Variants in ENOSF1 observed in about 807,000 individuals in gnomAD.
ENOSF1 encodes the protein enolase superfamily member 1.
In ENOSF1, 73 loss-of-function variants were observed where a neutral mutation model predicts 68.2. The observed-to-expected ratio is 1.07, with a 90% CI of 0.89 to 1.30. ENOSF1 has a LOEUF of 1.30. ENOSF1 is among the 50% of genes most tolerant of loss of function. The pLI is 0.00. For missense variants in ENOSF1, 589 were observed against 554.5 expected, an observed-to-expected ratio of 1.06 and a Z score of -0.62; for synonymous variants, 223 against 210.4, an observed-to-expected ratio of 1.06 and a Z score of -0.52.
chr18:684,159 AT>A (rs981659207), intron 10 of ENOSF1, among the ~76,000 whole-genome samples: 1 of 149,848 alleles, frequency 6.7e-6, no homozygotes, highest in Non-Finnish European at 1.5e-5. Flanking sequence ...ACACCAGGCT[AT>A]TTTTTTTTGT....
At chr18:690,827 C>T (rs550533961) in intron 7 of ENOSF1, 196 bp from the exon 8 acceptor site, 1 of 1,421,614 alleles carries the variant, frequency 7.0e-7, no homozygotes, top group Non-Finnish European at 9.3e-7. Context: ...CCCTGCTCCC[C>T]CAGGGCTCTC....
chr18:691,438 C>T (rs2145037631), intron 5 of ENOSF1, 162 bp from the exon 6 acceptor site: 3 of 614,248 alleles, frequency 4.9e-6, no homozygotes, highest in Middle Eastern at 4.5e-4. Flanking sequence ...CTCAGTCTCC[C>T]TGGCTTATGT....
Position 706,576 on chromosome 18 carries a change from G to A in ENOSF1, c.87C>T (p.His29=). 6.2e-7 allele frequency: 1 copy of A among 1,612,460 alleles called. No homozygotes were observed. The highest frequency in any genetic ancestry group is 8.5e-7 in the Non-Finnish European group (1 of 1,178,750). ...AGGCAGCCGAGTAGTCAGGGTCCGT[G>A]TGCTGCAGGAGAAGAGTTCCCCGCC... ...SLGGHGADAM[H]TDPDYSAAYV... is the part of the protein sequence containing the mutation. The change falls in exon 2 of 16, where the codon CAC becomes CAT. Residue 29 remains histidine, a splice_region_variant and synonymous_variant. Coordinates refer to ENST00000647584, the MANE Select transcript of ENOSF1 (RefSeq NM_017512.7).
downstream of ENOSF1, among the ~76,000 whole-genome samples, chr18:667,131 A>AGATGGT (rs1179372941): frequency 8.6e-5 from 3 of 34,742 alleles, no homozygotes; most frequent in Non-Finnish European, 1.4e-4. Context: ...ATGGTGATGG[A>AGATGGT]GATGGTGATG....
At chr18:697,119 AAAAT>A (rs917926643) in intron 3 of ENOSF1, 117 bp downstream of exon 3, 17 of 802,216 alleles carry the variant, frequency 2.1e-5, no homozygotes, top group African/African-American at 8.6e-5. Flanking sequence ...TCCATCTCAA[AAAAT>A]AAATAAATAA....
At chr18:709,498 G>A (rs1402627290) in intron 1 of ENOSF1, among the ~76,000 whole-genome samples, 3 of 152,188 alleles carry the variant, frequency 2.0e-5, no homozygotes, top group East Asian at 1.9e-4. Flanking sequence ...TAAGCCCGGA[G>A]TAGTGGCTCA....
At chr18:677,005 A>G (rs940507097) in intron 14 of ENOSF1, among the ~76,000 whole-genome samples, 3 of 152,268 alleles carry the variant, frequency 2.0e-5, no homozygotes, top group African/African-American at 7.2e-5. Context: ...GTGTGTCTAG[A>G]CCATGGAAGA....
rs548905063 is a variant in ENOSF1, at chr18:674,499, G to A, written c.1231-93C>T. 172 of 788,706 alleles carry A rather than the reference G, an allele frequency of 2.2e-4. No individual in the cohort carries two copies. The African/African-American group carries it at 2.7e-3, about 12-fold the overall frequency. 48.9% of individuals were successfully genotyped at this position (788,706 alleles called of 1,614,324 possible). A position where few individuals can be genotyped will look rare whatever the true frequency, so the allele number is the denominator to read the frequency against. On this transcript the variant is annotated intron_variant, in intron 15 of 15. Transcript: ENST00000647584. ...ATGCTGCTCCAAGAAATGCTTTTACGTCTAAGCCAGAGGCAATTAATTAAT... is the reference window on the plus strand; with the variant it reads ...ATGCTGCTCCAAGAAATGCTTTTACATCTAAGCCAGAGGCAATTAATTAAT...
chr18:683,085 G>C, intron 11 of ENOSF1, 161 bp downstream of exon 11: 7 of 824,364 alleles, frequency 8.5e-6, no homozygotes, highest in Non-Finnish European at 1.3e-5. Flanking sequence ...AGGAATGTCA[G>C]GTCTGTAACC....
At chr18:712,295 T>A in intron 1 of ENOSF1, 2 of 1,521,798 alleles carry the variant, frequency 1.3e-6, no homozygotes, top group South Asian at 1.2e-5. Flanking sequence ...GTCGGGAAGC[T>A]GCCCGGGGCC....
At chr18:668,980 G>A, downstream of ENOSF1, 1 of 1,064,006 alleles carries the variant, frequency 9.4e-7, no homozygotes, top group Non-Finnish European at 1.4e-6. Context: ...GGGGACCCTG[G>A]GTAAGAGACT....
chr18:689,781 A>T (rs1378160476), intron 8 of ENOSF1, among the ~76,000 whole-genome samples: 1 of 152,116 alleles, frequency 6.6e-6, no homozygotes, highest in Non-Finnish European at 1.5e-5. Flanking sequence ...TACGTGAACG[A>T]GAGAGCCCTG....
rs2077349576 is a variant in ENOSF1 at position 692,925 on chromosome 18, G to A, written c.423+957C>T. On this transcript the variant is annotated intron_variant, in intron 5 of 15. Transcript: ENST00000647584. Reference sequence around the variant, plus strand: ...GCCCAACACTCTTCAAGGCCATGGTGTTCTTTGTTTTTCCTTAATTTTTTG... The same window carrying A: ...GCCCAACACTCTTCAAGGCCATGGTATTCTTTGTTTTTCCTTAATTTTTTG... 5.1e-6 allele frequency: 6 copies of A among 1,177,630 alleles called. No individual in the cohort carries two copies. In the Admixed American group the frequency reaches 1.8e-4, roughly 36 times the overall value. 72.9% of individuals were successfully genotyped at this position (1,177,630 alleles called of 1,614,324 possible).
At chr18:674,521 TA>T in intron 15 of ENOSF1, 115 bp from the exon 16 acceptor site, 249 of 679,294 alleles carry the variant, frequency 3.7e-4, no homozygotes, top group Non-Finnish European at 4.6e-4. Context: ...GGCAATTAAT[TA>T]ATTTTTTTTT....
At chr18:692,986 G>A (rs1314535720) in intron 5 of ENOSF1, 24 of 1,172,918 alleles carry the variant, frequency 2.0e-5, no homozygotes, top group Admixed American at 3.7e-5. Context: ...TGTGGATCAC[G>A]AGGTTTTTAA....
intron 3 of ENOSF1, among the ~76,000 whole-genome samples, chr18:696,280 C>T (rs905408433): frequency 2.1e-5 from 3 of 142,944 alleles, no homozygotes; most frequent in African/African-American, 8.0e-5. Flanking sequence ...GGTGCGATCT[C>T]GGCTCACTGC....
rs749184612 is a variant in ENOSF1 at position 690,718 on chromosome 18, A to AGAGTCCAGCTGTTTCCCCTGGG, written c.536-88_536-87insCCCAGGGGAAACAGCTGGACTC. 1.8e-5 allele frequency: 29 copies of AGAGTCCAGCTGTTTCCCCTGGG among 1,581,122 alleles called. No homozygotes were observed. The African/African-American group carries it at 3.6e-4, about 20-fold the overall frequency. ...CCTGTAGCTAAGCTGTTTCCCCTGG[A>AGAGTCCAGCTGTTTCCCCTGGG]GAGTCCAGCTGTTCTCCTGATCCGG... On this transcript the variant is annotated intron_variant, in intron 7 of 15. Coordinates refer to ENST00000647584, the MANE Select transcript of ENOSF1 (RefSeq NM_017512.7).
At chr18:666,502 C>A (rs1324945406), downstream of ENOSF1, among the ~76,000 whole-genome samples, 1 of 152,138 alleles carries the variant, frequency 6.6e-6, no homozygotes. Flanking sequence ...GCCCCTCCCA[C>A]CTGTCCCTAG....
At chr18:705,284 G>A (rs1568133676) in intron 2 of ENOSF1, among the ~76,000 whole-genome samples, 1 of 152,176 alleles carries the variant, frequency 6.6e-6, no homozygotes, top group Non-Finnish European at 1.5e-5. Context: ...TTTGGCTTCA[G>A]GCTCTAATAA....
Sources: allele counts gnomAD v4.1 joint callset (sites outside exome capture counted in the v4.1 genomes callset), GRCh38; gene constraint gnomAD v4.1.1; transcripts MANE v1.5; gene names NCBI Gene and HGNC (gene_info 2026-07-23, HGNC 2026-07-21).